COL4A2: variants seen among roughly 807,000 people sequenced by gnomAD.
The protein encoded by COL4A2 is collagen type IV alpha 2 chain.
Under a neutral mutation model 200.2 loss-of-function variants are expected in COL4A2, and 99 were observed. That is an observed-to-expected ratio of 0.49 (90% CI 0.42 to 0.58). The LOEUF (loss-of-function observed/expected upper bound fraction) is 0.58. Among genes scored for constraint, COL4A2 ranks in the 20% least tolerant of loss-of-function variants. COL4A2 has a pLI of 0.00. For missense variants in COL4A2, 1,950 were observed against 2,314.1 expected (o/e 0.84, Z 3.23); for synonymous variants, 897 against 900.6 (o/e 1.00, Z 0.07).
intron 38 of COL4A2, 122 bp from the exon 39 acceptor site, chr13:110,493,062 CGATGAGTGACACCCCCATGGGTGAAAT>C (rs1883339329): frequency 5.7e-5 from 49 of 865,960 alleles, no homozygotes; most frequent in South Asian, 1.5e-4. Flanking sequence ...GGTGAAATAA[CGATGAGTGACACCCCCATGGGTGAAAT>C]AACGATGAGT....
intron 34 of COL4A2, among the ~76,000 whole-genome samples, chr13:110,487,959 G>A (rs1051556694): frequency 2.0e-5 from 3 of 152,206 alleles, no homozygotes; most frequent in African/African-American, 7.2e-5. Flanking sequence ...GAAAAATAGA[G>A]CATTACCTAA....
At chr13:110,324,524 A>G (rs1020103008) in intron 3 of COL4A2, among the ~76,000 whole-genome samples, 1 of 152,234 alleles carries the variant, frequency 6.6e-6, no homozygotes, top group African/African-American at 2.4e-5. Context: ...ATGAAGCCCC[A>G]GTCCTGGCTG....
intron 21 of COL4A2, 137 bp downstream of exon 21, chr13:110,457,572 C>T (rs1881817940): frequency 5.6e-6 from 4 of 710,274 alleles, no homozygotes; most frequent in Admixed American, 4.0e-5. Flanking sequence ...AGCCTCCTGT[C>T]CCCTTGGCGG....
chr13:110,317,979 C>T (rs1262182964), intron 3 of COL4A2, among the ~76,000 whole-genome samples: 1 of 152,198 alleles, frequency 6.6e-6, no homozygotes, highest in Non-Finnish European at 1.5e-5. Context: ...TCTTCTCTCA[C>T]CGCCCCGTGT....
intron 3 of COL4A2, among the ~76,000 whole-genome samples, chr13:110,356,840 C>T (rs1443095310): frequency 6.6e-6 from 1 of 151,216 alleles, no homozygotes; most frequent in African/African-American, 2.4e-5. Context: ...GATCTCAGCT[C>T]ACTGCAACCT....
intron 27 of COL4A2, 88 bp from the exon 28 acceptor site, chr13:110,469,129 G>A: frequency 7.0e-7 from 1 of 1,436,180 alleles, no homozygotes; most frequent in Non-Finnish European, 9.5e-7. Flanking sequence ...GGTTTCATGA[G>A]ATCCACATTA....
intron 4 of COL4A2, among the ~76,000 whole-genome samples, chr13:110,395,716 G>A (rs1352680168): frequency 6.6e-6 from 1 of 152,222 alleles, no homozygotes; most frequent in Non-Finnish European, 1.5e-5. Context: ...AGGCCGAGGA[G>A]GGCGGGTAAC....
At chr13:110,327,187 C>T (rs1053409895) in intron 3 of COL4A2, among the ~76,000 whole-genome samples, 4 of 152,202 alleles carry the variant, frequency 2.6e-5, no homozygotes, top group African/African-American at 9.6e-5. Context: ...CACACTCTTA[C>T]ATCTGCTCCC....
intron 3 of COL4A2, among the ~76,000 whole-genome samples, chr13:110,325,993 C>T (rs1885399305): frequency 6.6e-6 from 1 of 152,108 alleles, no homozygotes; most frequent in African/African-American, 2.4e-5. Flanking sequence ...GCCACGTTGG[C>T]CAGGCTGGTC....
At chr13:110,334,404 C>A (rs2139364905) in intron 3 of COL4A2, among the ~76,000 whole-genome samples, 1 of 152,340 alleles carries the variant, frequency 6.6e-6, no homozygotes, top group Admixed American at 6.5e-5. Context: ...CCAGAGGCTT[C>A]CCTTAGATGA....
At chr13:110,484,249 C>G (rs1224430952) in intron 32 of COL4A2, among the ~76,000 whole-genome samples, 1 of 152,148 alleles carries the variant, frequency 6.6e-6, no homozygotes, top group African/African-American at 2.4e-5. Context: ...TGATTTTGAT[C>G]CCATCAGCCT....
At chr13:110,488,146 C>A (rs531722795) in intron 34 of COL4A2, among the ~76,000 whole-genome samples, 1 of 152,314 alleles carries the variant, frequency 6.6e-6, no homozygotes, top group East Asian at 1.9e-4. Context: ...CTGCCACAGC[C>A]TCCCAAGTAG....
In COL4A2 at chr13:110,408,991, CACGCACACAT is replaced by C. The variant is rs1328742045; in HGVS notation, c.181-15740_181-15731del. On this transcript the variant is annotated intron_variant, in intron 4 of 47. Coordinates refer to ENST00000360467, the MANE Select transcript of COL4A2 (RefSeq NM_001846.4). ...ACGCACATATACACACACATGCACA[CACGCACACAT>C]ACACACACACATACACATGGACACG... Among the ~76,000 whole-genome samples the C allele has an allele frequency of 1.6e-4, 2 of 12,780 alleles. 1 individual carries two copies. The highest frequency in any genetic ancestry group is 3.4e-4 in the Non-Finnish European group (2 of 5,836). 8.4% of individuals were successfully genotyped at this position (12,780 alleles called of 152,430 possible). A position where few individuals can be genotyped will look rare whatever the true frequency, so the allele number is the denominator to read the frequency against.
chr13:110,444,578 A>G (rs1018643), intron 16 of COL4A2, among the ~76,000 whole-genome samples: 126,922 of 152,260 alleles, frequency 0.83, 53,114 homozygotes, highest in Middle Eastern at 0.91. Flanking sequence ...GCCCGTCTCA[A>G]TTCAGTCTAA....
intron 4 of COL4A2, among the ~76,000 whole-genome samples, chr13:110,364,810 G>A (rs1188739492): frequency 2.6e-5 from 4 of 152,066 alleles, no homozygotes; most frequent in African/African-American, 4.8e-5. Context: ...CAAACTCAAC[G>A]GAGATTGGAT....
intron 15 of COL4A2, among the ~76,000 whole-genome samples, chr13:110,439,103 C>T (rs1221270626): frequency 1.3e-5 from 2 of 152,188 alleles, no homozygotes; most frequent in African/African-American, 2.4e-5. Flanking sequence ...AAGGGGTCAC[C>T]GTCCACGGTG....
rs751067625 is a variant in COL4A2, at chr13:110,506,547, G to A, written c.4535G>A (p.Trp1512Ter). The stretch of plus-strand genomic sequence containing the variant: ...TGCCCAGTGGGCATGAACAAACTCT[G>A]GAGTGGATACAGCCTGCTGTACTTC... ...PMCPVGMNKLWSGYSLLYFEG... is the reference protein window; with the variant it reads ...PMCPVGMNKL Residue 1512 changes from tryptophan (W) to a stop codon, truncating the protein, a stop_gained, in exon 46 of 48, where the codon TGG becomes TAG. Transcript: ENST00000360467. LOFTEE classifies it high-confidence loss of function. The A allele has an allele frequency of 6.2e-7, 1 of 1,613,410 alleles. No individual in the cohort carries two copies. The highest frequency in any genetic ancestry group is 8.5e-7 in the Non-Finnish European group (1 of 1,179,836).
chr13:110,449,206 C>T (rs939280487), intron 18 of COL4A2, among the ~76,000 whole-genome samples: 1 of 152,230 alleles, frequency 6.6e-6, no homozygotes, highest in Non-Finnish European at 1.5e-5. Flanking sequence ...GTGTGTTCTA[C>T]AGTAAAGCGT....
At chr13:110,423,717 C>A (rs1302240990) in intron 4 of COL4A2, among the ~76,000 whole-genome samples, 1 of 152,202 alleles carries the variant, frequency 6.6e-6, no homozygotes, top group African/African-American at 2.4e-5. Context: ...CACTGCCTCC[C>A]CCTGTCCCTC....
Sources: allele counts gnomAD v4.1 joint callset (sites outside exome capture counted in the v4.1 genomes callset), GRCh38; gene constraint gnomAD v4.1.1; transcripts MANE v1.5; gene names NCBI Gene and HGNC (gene_info 2026-07-23, HGNC 2026-07-21).